The following STT3B variants were observed in gnomAD, a reference collection of about 807,000 sequenced individuals.
The protein encoded by STT3B is STT3 oligosaccharyltransferase complex catalytic subunit B.
In STT3B, 29 loss-of-function variants were observed where a neutral mutation model predicts 96.8. The ratio of observed to expected loss-of-function variants is 0.30; its 90% confidence interval spans 0.22 to 0.41. STT3B has a LOEUF of 0.41. Among genes scored for constraint, STT3B ranks in the 10% least tolerant of loss-of-function variants. The probability of loss-of-function intolerance (pLI) is 1.00; values close to 1 mark genes in which losing one functional copy is unlikely to be tolerated. For missense variants in STT3B, 640 were observed against 1,022.3 expected (o/e 0.63, Z 5.10); for synonymous variants, 367 against 360.0 (o/e 1.02, Z -0.22).
intron 1 of STT3B, among the ~76,000 whole-genome samples, chr3:31,570,690 A>G (rs1242128772): frequency 1.3e-5 from 2 of 152,212 alleles, no homozygotes; most frequent in Non-Finnish European, 2.9e-5. Context: ...GATTTTATTC[A>G]GGAACTAATG....
chr3:31,539,259 A>T (rs1221416027), intron 1 of STT3B, among the ~76,000 whole-genome samples: 2 of 152,102 alleles, frequency 1.3e-5, no homozygotes, highest in Non-Finnish European at 2.9e-5. Flanking sequence ...CTAATTGACC[A>T]CTCTCAACCA....
intron 3 of STT3B, among the ~76,000 whole-genome samples, chr3:31,584,130 T>C (rs1698482821): frequency 1.3e-5 from 2 of 152,190 alleles, no homozygotes; most frequent in South Asian, 4.1e-4. Flanking sequence ...ACTTCATTCT[T>C]TTGCATGTGG....
At chr3:31,628,955 A>G (rs1220266258) in intron 13 of STT3B, among the ~76,000 whole-genome samples, 1 of 152,014 alleles carries the variant, frequency 6.6e-6, no homozygotes, top group Non-Finnish European at 1.5e-5. Context: ...AAAATGCAAA[A>G]ATTATTTGGG....
intron 2 of STT3B, among the ~76,000 whole-genome samples, chr3:31,578,318 G>A (rs1385495400): frequency 3.9e-5 from 6 of 152,008 alleles, no homozygotes; most frequent in Non-Finnish European, 8.8e-5. Context: ...CTTCTCTCCT[G>A]TGGGCTCCCA....
chr3:31,620,889 G>C (rs1356060228), intron 9 of STT3B, among the ~76,000 whole-genome samples: 1 of 151,628 alleles, frequency 6.6e-6, no homozygotes, highest in African/African-American at 2.4e-5. Flanking sequence ...TTAAAGGATT[G>C]CACACTCATT....
intron 1 of STT3B, among the ~76,000 whole-genome samples, chr3:31,571,474 T>A (rs865848493): frequency 2.0e-5 from 3 of 152,250 alleles, no homozygotes; most frequent in Middle Eastern, 6.8e-3. Flanking sequence ...GCCCATCATC[T>A]TCTACTCACA....
intron 1 of STT3B, among the ~76,000 whole-genome samples, chr3:31,551,237 A>G (rs1332788905): frequency 1.4e-5 from 2 of 146,496 alleles, no homozygotes; most frequent in African/African-American, 2.6e-5. Flanking sequence ...TTGGTTTTTG[A>G]TAGGGTCTTG....
At chr3:31,592,679 G>A (rs1272203442) in intron 3 of STT3B, among the ~76,000 whole-genome samples, 1 of 152,132 alleles carries the variant, frequency 6.6e-6, no homozygotes, top group Non-Finnish European at 1.5e-5. Context: ...TCCCTAATGA[G>A]TAGTAATGTT....
At chr3:31,632,414 T>C (rs1699682669) in intron 14 of STT3B, among the ~76,000 whole-genome samples, 1 of 152,182 alleles carries the variant, frequency 6.6e-6, no homozygotes, top group African/African-American at 2.4e-5. Context: ...GTTAATAATA[T>C]ATGTTATGGG....
At chr3:31,576,525 T>C (rs1178402331) in intron 2 of STT3B, 21 bp downstream of exon 2, 1 of 1,283,186 alleles carries the variant, frequency 7.8e-7, no homozygotes. Context: ...TAGCAGTTCT[T>C]TATGTTAATT....
chr3:31,596,765 A>G (rs1698801806), intron 3 of STT3B, 33 bp from the exon 4 acceptor site: 4 of 1,532,186 alleles, frequency 2.6e-6, no homozygotes, highest in Admixed American at 3.6e-5. Flanking sequence ...ATTTGTAAAC[A>G]TTTTTATTAT....
At chr3:31,579,477 T>TAAAAAAAAAAAAA (rs1173591549) in intron 2 of STT3B, among the ~76,000 whole-genome samples, 2 of 67,444 alleles carry the variant, frequency 3.0e-5, no homozygotes, top group African/African-American at 5.6e-5. Flanking sequence ...CCTGTTTTGA[T>TAAAAAAAAAAAAA]AAAAAAAAAA....
chr3:31,593,411 T>A (rs1176420940), intron 3 of STT3B, among the ~76,000 whole-genome samples: 1 of 152,126 alleles, frequency 6.6e-6, no homozygotes, highest in African/African-American at 2.4e-5. Context: ...TTGACTACAG[T>A]TTGTCTAGGT....
At chr3:31,604,815 T>C (rs1403009265) in intron 5 of STT3B, among the ~76,000 whole-genome samples, 1 of 152,118 alleles carries the variant, frequency 6.6e-6, no homozygotes, top group East Asian at 1.9e-4. Context: ...TAACCATAAA[T>C]AAAAGGTGCC....
intron 1 of STT3B, among the ~76,000 whole-genome samples, chr3:31,568,693 G>A (rs1248461425): frequency 6.6e-6 from 1 of 152,000 alleles, no homozygotes; most frequent in Admixed American, 6.6e-5. Flanking sequence ...AGTATATTGT[G>A]GTATTTTGCT....
intron 13 of STT3B, among the ~76,000 whole-genome samples, chr3:31,626,878 G>T (rs555315278): frequency 6.6e-6 from 1 of 152,124 alleles, no homozygotes; most frequent in South Asian, 2.1e-4. Flanking sequence ...GCCTCTTTAT[G>T]TTTTGCCTTC....
At chr3:31,559,871 G>A (rs1324238867) in intron 1 of STT3B, among the ~76,000 whole-genome samples, 1 of 152,050 alleles carries the variant, frequency 6.6e-6, no homozygotes, top group Non-Finnish European at 1.5e-5. Context: ...GGGTGTTCCA[G>A]TGTTGGGTGC....
intron 3 of STT3B, among the ~76,000 whole-genome samples, chr3:31,593,317 A>G (rs899167034): frequency 2.6e-5 from 4 of 151,970 alleles, no homozygotes; most frequent in Non-Finnish European, 5.9e-5. Flanking sequence ...TTCTGATGCA[A>G]AGTCAATCAT....
intron 5 of STT3B, among the ~76,000 whole-genome samples, chr3:31,606,903 CA>C (rs1030157711): frequency 6.6e-6 from 1 of 152,198 alleles, no homozygotes; most frequent in African/African-American, 2.4e-5. Flanking sequence ...TGTAAAGCCA[CA>C]GGGGCAGAGC....
Sources: gnomAD v4.1 joint callset for allele counts (sites outside exome capture counted in the v4.1 genomes callset) on GRCh38, gnomAD v4.1.1 for gene constraint, MANE v1.5 for transcripts, NCBI Gene and HGNC (gene_info 2026-07-23, HGNC 2026-07-21) for gene names.